Variants in ANKFN1 observed in about 807,000 individuals in gnomAD.
The protein encoded by ANKFN1 is ankyrin repeat and fibronectin type-III domain-containing protein 1.
Under a neutral mutation model 108.7 loss-of-function variants are expected in ANKFN1, and 74 were observed. The ratio of observed to expected loss-of-function variants is 0.68; its 90% CI spans 0.56 to 0.83. ANKFN1 has a LOEUF of 0.83. ANKFN1 is among the 40% of genes least tolerant of loss of function. The pLI, the probability that ANKFN1 is intolerant of heterozygous loss-of-function variation, is 0.00. For synonymous variants in ANKFN1, 547 were observed against 516.2 expected (o/e 1.06, Z -0.81); for missense variants, 1,505 against 1,382.3 (o/e 1.09, Z -1.41).
chr17:56,053,915 A>G (rs951581581), intron 4 of ANKFN1, among the ~76,000 whole-genome samples: 2 of 152,120 alleles, frequency 1.3e-5, no homozygotes, highest in Admixed American at 6.6e-5. Flanking sequence ...GTTGAGTTCT[A>G]TAGTGGTGAA....
intron 3 of ANKFN1, among the ~76,000 whole-genome samples, chr17:56,291,795 G>A (rs937130585): frequency 6.6e-6 from 1 of 152,142 alleles, no homozygotes; most frequent in African/African-American, 2.4e-5. Context: ...TTGAGCTTCC[G>A]TAGCCTATTC....
chr17:56,468,940 T>C (rs912644378), intron 15 of ANKFN1, among the ~76,000 whole-genome samples: 7 of 152,116 alleles, frequency 4.6e-5, no homozygotes, highest in Non-Finnish European at 8.8e-5. Flanking sequence ...AATTGAGCTT[T>C]TACAGGGTGA....
intron 11 of ANKFN1, among the ~76,000 whole-genome samples, chr17:56,455,819 A>C (rs1034691348): frequency 6.6e-6 from 1 of 152,238 alleles, no homozygotes; most frequent in Admixed American, 6.5e-5. Flanking sequence ...GATGCATAGT[A>C]GTGCCCCCAA....
At chr17:56,228,212 A>G (rs912211773) in intron 3 of ANKFN1, 8 of 398,374 alleles carry the variant, frequency 2.0e-5, no homozygotes, top group Non-Finnish European at 3.6e-5. Flanking sequence ...AGGAGTAAAA[A>G]AATAGGCAAT....
intron 4 of ANKFN1, among the ~76,000 whole-genome samples, chr17:56,105,982 C>T (rs1329577453): frequency 6.6e-6 from 1 of 151,920 alleles, no homozygotes; most frequent in East Asian, 1.9e-4. Context: ...AATGGCCTGG[C>T]CCAAAATGTC....
chr17:56,383,623 T>C (rs1323571700), intron 8 of ANKFN1, among the ~76,000 whole-genome samples: 2 of 151,658 alleles, frequency 1.3e-5, no homozygotes, highest in Non-Finnish European at 2.9e-5. Context: ...ATCAAATAGA[T>C]GCAATAAAAA....
At chr17:56,328,856 G>A (rs974742945) in intron 4 of ANKFN1, among the ~76,000 whole-genome samples, 2 of 152,002 alleles carry the variant, frequency 1.3e-5, no homozygotes, top group African/African-American at 4.8e-5. Flanking sequence ...TGGGTTTCCT[G>A]ATCTCTCTAG....
chr17:56,429,830 T>C (rs958191453), intron 8 of ANKFN1, among the ~76,000 whole-genome samples: 3 of 152,178 alleles, frequency 2.0e-5, no homozygotes, highest in African/African-American at 7.2e-5. Flanking sequence ...TGGCTTGGAT[T>C]AGGGTAATTA....
upstream of ANKFN1, among the ~76,000 whole-genome samples, chr17:56,149,788 A>G (rs186151517): frequency 2.8e-4 from 42 of 152,336 alleles, no homozygotes; most frequent in Admixed American, 1.0e-3. Context: ...TGGCATGGCA[A>G]TCCTGTTCTC....
At chr17:56,437,571 C>T (rs894853142) in intron 8 of ANKFN1, among the ~76,000 whole-genome samples, 4 of 152,130 alleles carry the variant, frequency 2.6e-5, no homozygotes, top group Non-Finnish European at 5.9e-5. Flanking sequence ...ATTTGCTACT[C>T]ATTTTTGTTT....
chr17:56,243,546 A>G (rs934113083), intron 3 of ANKFN1, among the ~76,000 whole-genome samples: 4 of 152,124 alleles, frequency 2.6e-5, no homozygotes, highest in Non-Finnish European at 5.9e-5. Context: ...CCTGGTTTCA[A>G]GTAGTAAGCC....
At chr17:56,411,957 G>C (rs2048105084) in intron 8 of ANKFN1, among the ~76,000 whole-genome samples, 1 of 152,046 alleles carries the variant, frequency 6.6e-6, no homozygotes, top group Admixed American at 6.6e-5. Context: ...TTCTTTTCTT[G>C]TGTTATTCCT....
intron 8 of ANKFN1, among the ~76,000 whole-genome samples, chr17:56,412,203 T>A (rs972251052): frequency 6.6e-6 from 1 of 152,220 alleles, no homozygotes; most frequent in African/African-American, 2.4e-5. Context: ...CCTGATTCAG[T>A]CTTGGTATGT....
intron 4 of ANKFN1, among the ~76,000 whole-genome samples, chr17:56,337,160 A>T (rs1288409017): frequency 6.6e-6 from 1 of 152,124 alleles, no homozygotes; most frequent in African/African-American, 2.4e-5. Context: ...ATTTTGGAAT[A>T]AGTGCGATGT....
intron 5 of ANKFN1, 26 bp downstream of exon 5, chr17:56,350,993 G>A (rs750407082): frequency 6.2e-7 from 1 of 1,604,258 alleles, no homozygotes; most frequent in Admixed American, 1.7e-5. Flanking sequence ...TTATTCTTGT[G>A]TCAGTTTGAT....
rs780533881 is a variant in ANKFN1, at chr17:56,467,802, GAA to G, written c.1773+1233_1773+1234del. On this transcript the variant is annotated intron_variant, in intron 15 of 20. Coordinates refer to ENST00000682825, the MANE Select transcript of ANKFN1 (RefSeq NM_001370326.1). ...AAGAAAGAAAGAAAGAAGAAAGAAA[GAA>G]AGAAAGAAAGAAAGAAAGAAAGAAA... is the stretch of plus-strand genomic sequence containing the variant. Among the ~76,000 whole-genome samples the G allele has an allele frequency of 1.5e-3, 47 of 31,248 alleles. 3 individuals carry two copies. Among genetic ancestry groups the G allele is most frequent in the African/African-American group, 3.9e-3 (43 of 11,166 alleles). The allele number at this position is 31,248 out of a possible 152,430, so 20.5% of individuals were successfully genotyped here.
intron 3 of ANKFN1, among the ~76,000 whole-genome samples, chr17:56,310,263 C>T (rs1251870522): frequency 1.3e-5 from 2 of 152,140 alleles, no homozygotes; most frequent in African/African-American, 4.8e-5. Flanking sequence ...CAGTTGACCA[C>T]GGATAACTGA....
intron 8 of ANKFN1, among the ~76,000 whole-genome samples, chr17:56,404,287 C>T (rs1440358105): frequency 6.6e-6 from 1 of 152,188 alleles, no homozygotes; most frequent in Non-Finnish European, 1.5e-5. Flanking sequence ...TCTTCTTCCT[C>T]AGGAACACCG....
chr17:56,162,906 G>T (rs552370908), intron 1 of ANKFN1, among the ~76,000 whole-genome samples: 2 of 152,006 alleles, frequency 1.3e-5, no homozygotes, highest in South Asian at 4.2e-4. Flanking sequence ...ATGCTGGCAG[G>T]CGCCTGTAAT....
Sources: gnomAD v4.1 joint callset for allele counts (sites outside exome capture counted in the v4.1 genomes callset) on GRCh38, gnomAD v4.1.1 for gene constraint, MANE v1.5 for transcripts, NCBI Gene and HGNC (gene_info 2026-07-23, HGNC 2026-07-21) for gene names.